ACSS3: variants seen among roughly 807,000 people sequenced by gnomAD.
ACSS3 encodes the protein acyl-CoA synthetase short-chain family member 3, mitochondrial.
ACSS3 carries 64 observed loss-of-function variants against 84.2 expected under a neutral mutation model. That is an observed-to-expected ratio of 0.76 (90% CI 0.62 to 0.94). ACSS3 has a LOEUF of 0.94. Ranked by LOEUF, ACSS3 falls within the 40% of genes least tolerant of loss-of-function variation. ACSS3 has a pLI of 0.00. For synonymous variants in ACSS3, 317 were observed against 310.1 expected (o/e 1.02, Z -0.23); for missense variants, 815 against 867.6 (o/e 0.94, Z 0.76).
Position 81,259,967 on chromosome 12 carries a change from T to C in ACSS3, c.*5045T>C, listed in dbSNP as rs1034325789. The C allele has an allele frequency of 6.5e-4, 158 of 244,052 alleles. No homozygotes were observed. The highest frequency in any genetic ancestry group is 2.4e-3 in the African/African-American group (108 of 44,956). 15.1% of individuals were successfully genotyped at this position (244,052 alleles called of 1,614,324 possible). The stretch of plus-strand genomic sequence containing the variant: ...TTCTGAAAAATTTACAACTTGCTAA[T>C]TAATAAATTGGGTTGAATTGACCTA... On this transcript the variant is annotated 3_prime_UTR_variant, in exon 16 of 16. Coordinates refer to ENST00000548058, the MANE Select transcript of ACSS3 (RefSeq NM_024560.4).
chr12:81,160,087 C>T (rs1460296878), intron 7 of ACSS3, among the ~76,000 whole-genome samples: 4 of 152,262 alleles, frequency 2.6e-5, no homozygotes, highest in African/African-American at 7.2e-5. Flanking sequence ...TAGAGTATTA[C>T]GTAGGTCTAA....
chr12:81,093,107 A>G (rs1238626875), intron 1 of ACSS3, among the ~76,000 whole-genome samples: 1 of 152,156 alleles, frequency 6.6e-6, no homozygotes, highest in East Asian at 1.9e-4. Flanking sequence ...TGCAAGGCCT[A>G]GGATTGAGAC....
rs536277481 is a variant in ACSS3 at position 81,258,905 on chromosome 12, G to GT, written c.*3989dup. The GT allele has an allele frequency of 2.1e-3, 323 of 151,574 alleles. No homozygotes were observed. Among genetic ancestry groups the GT allele is most frequent in the African/African-American group, 7.5e-3 (309 of 41,340 alleles). 9.4% of individuals were successfully genotyped at this position (151,574 alleles called of 1,614,324 possible). A position where few individuals can be genotyped will look rare whatever the true frequency, so the allele number is the denominator to read the frequency against. On this transcript the variant is annotated 3_prime_UTR_variant, in exon 16 of 16. Transcript: ENST00000548058. ...CCACAGGTAACAAGAGAAGATTATGGTTTTTTAATATAAATTTTTAAATAA... is the reference window on the plus strand; with the variant it reads ...CCACAGGTAACAAGAGAAGATTATGGTTTTTTTAATATAAATTTTTAAATAA...
chr12:81,145,671 G>A (rs183842823), intron 5 of ACSS3, among the ~76,000 whole-genome samples: 2 of 152,300 alleles, frequency 1.3e-5, no homozygotes, highest in East Asian at 3.9e-4. Flanking sequence ...ACATATGAGG[G>A]TGCTTTTGAA....
At chr12:81,148,711 T>A (rs1886460077) in intron 5 of ACSS3, among the ~76,000 whole-genome samples, 1 of 151,836 alleles carries the variant, frequency 6.6e-6, no homozygotes, top group South Asian at 2.1e-4. Flanking sequence ...TTACAGGGTT[T>A]TTATGAGAAT....
intron 9 of ACSS3, among the ~76,000 whole-genome samples, chr12:81,215,838 T>C (rs1184265409): frequency 6.6e-6 from 1 of 151,078 alleles, no homozygotes; most frequent in Non-Finnish European, 1.5e-5. Context: ...TCAGAACTTG[T>C]GGTAATCAGG....
At chr12:81,191,471 T>C (rs1474128678) in intron 8 of ACSS3, among the ~76,000 whole-genome samples, 2 of 152,130 alleles carry the variant, frequency 1.3e-5, no homozygotes, top group African/African-American at 4.8e-5. Context: ...GAAGTCTTTT[T>C]CCCCGCTATT....
chr12:81,124,112 T>A (rs1884874651), intron 2 of ACSS3, among the ~76,000 whole-genome samples: 1 of 152,208 alleles, frequency 6.6e-6, no homozygotes, highest in Non-Finnish European at 1.5e-5. Flanking sequence ...ACAAACTGTG[T>A]GTATGTGTTC....
At chr12:81,184,903 A>C (rs1347422868) in intron 8 of ACSS3, among the ~76,000 whole-genome samples, 1 of 151,768 alleles carries the variant, frequency 6.6e-6, no homozygotes, top group Non-Finnish European at 1.5e-5. Flanking sequence ...GCATCATCTT[A>C]ACACCTAAGT....
At chr12:81,127,118 T>C (rs1885152784) in intron 2 of ACSS3, among the ~76,000 whole-genome samples, 1 of 151,870 alleles carries the variant, frequency 6.6e-6, no homozygotes, top group Non-Finnish European at 1.5e-5. Context: ...AGATAACATC[T>C]CTAACTTTCC....
intron 8 of ACSS3, among the ~76,000 whole-genome samples, chr12:81,179,469 T>G (rs1412827695): frequency 6.6e-6 from 1 of 151,754 alleles, no homozygotes; most frequent in African/African-American, 2.4e-5. Flanking sequence ...ATAAGGAGCT[T>G]AAACAATTCA....
intron 7 of ACSS3, among the ~76,000 whole-genome samples, chr12:81,173,108 A>G (rs548458599): frequency 6.4e-4 from 97 of 152,320 alleles, no homozygotes; most frequent in Non-Finnish European, 1.2e-3. Flanking sequence ...ACAGTGTCAT[A>G]CTCAAGGAAC....
At chr12:81,242,236 G>T (rs567185493) in intron 13 of ACSS3, among the ~76,000 whole-genome samples, 1 of 152,066 alleles carries the variant, frequency 6.6e-6, no homozygotes, top group African/African-American at 2.4e-5. Flanking sequence ...ACACCTCTAC[G>T]CAAATAAACT....
chr12:81,088,994 T>C (rs1253412524), intron 1 of ACSS3, among the ~76,000 whole-genome samples: 7 of 151,996 alleles, frequency 4.6e-5, no homozygotes. Context: ...AGTTGACAGC[T>C]TCTTTAGAAA....
rs549066760 is a variant in ACSS3, at chr12:81,216,129, AT to A, written c.1355-765del. ...ATGATATTATCCATATATATTATAT[AT>A]TTTTTTAATTTATAAAGACATTTTA... On this transcript the variant is annotated intron_variant, in intron 9 of 15. Transcript: ENST00000548058. Among the ~76,000 whole-genome samples the A allele has an allele frequency of 7.9e-3, 1,201 of 151,290 alleles. 17 individuals are homozygous for A. Among genetic ancestry groups the A allele is most frequent in the African/African-American group, 0.027 (1,136 of 41,390 alleles).
At chr12:81,199,914 C>T (rs1452819855) in intron 9 of ACSS3, 1 of 275,860 alleles carries the variant, frequency 3.6e-6, no homozygotes, top group African/African-American at 2.3e-5. Context: ...GCTTGTTCCT[C>T]TCATAGGACT....
chr12:81,197,068 C>T (rs1436703880), intron 8 of ACSS3, among the ~76,000 whole-genome samples: 1 of 151,772 alleles, frequency 6.6e-6, no homozygotes, highest in East Asian at 1.9e-4. Context: ...TTAATTTTCT[C>T]AGAAAACGAA....
intron 1 of ACSS3, among the ~76,000 whole-genome samples, chr12:81,090,146 GA>G (rs1341004492): frequency 6.6e-6 from 1 of 152,008 alleles, no homozygotes; most frequent in African/African-American, 2.4e-5. Flanking sequence ...TTATCTTAGA[GA>G]AATGTAAGTC....
intron 9 of ACSS3, among the ~76,000 whole-genome samples, chr12:81,214,872 C>T (rs1022320353): frequency 6.6e-6 from 1 of 152,216 alleles, no homozygotes; most frequent in Non-Finnish European, 1.5e-5. Context: ...TAGATTTACT[C>T]TAGCAGCTTC....
Sources: gnomAD v4.1 joint callset for allele counts (sites outside exome capture counted in the v4.1 genomes callset) on GRCh38, gnomAD v4.1.1 for gene constraint, MANE v1.5 for transcripts, NCBI Gene and HGNC (gene_info 2026-07-23, HGNC 2026-07-21) for gene names.